Variants in SYT1 observed in about 807,000 individuals in gnomAD.
SYT1 encodes synaptotagmin 1.
In SYT1, 8 loss-of-function variants were observed where a neutral mutation model predicts 44.8. That is an observed-to-expected ratio of 0.18 (90% CI 0.10 to 0.32). The LOEUF is 0.32. Among genes scored for constraint, SYT1 ranks in the 10% least tolerant of loss-of-function variants. SYT1 has a pLI of 1.00. For missense variants in SYT1, 286 were observed against 509.3 expected (o/e 0.56, Z 4.22); for synonymous variants, 154 against 188.8 (o/e 0.82, Z 1.51).
intron 8 of SYT1, among the ~76,000 whole-genome samples, chr12:79,307,963 G>C (rs1459930871): frequency 6.6e-6 from 1 of 152,162 alleles, no homozygotes; most frequent in Non-Finnish European, 1.5e-5. Context: ...AGAAGGCCTC[G>C]AAGAGTGCTG....
intron 1 of SYT1, among the ~76,000 whole-genome samples, chr12:78,885,330 G>GAA (rs1555177673): frequency 1.1e-3 from 18 of 16,894 alleles, no homozygotes; most frequent in Middle Eastern, 0.019. Context: ...GAAGGAAGGA[G>GAA]GGAAGGAAGA....
At chr12:78,979,138 A>G (rs1050963595) in intron 2 of SYT1, among the ~76,000 whole-genome samples, 2 of 152,152 alleles carry the variant, frequency 1.3e-5, no homozygotes, top group Non-Finnish European at 2.9e-5. Context: ...GCATATACCC[A>G]GTATTGATAG....
At chr12:79,445,984 C>A (rs1870686783) in intron 10 of SYT1, among the ~76,000 whole-genome samples, 1 of 68,218 alleles carries the variant, frequency 1.5e-5, no homozygotes, top group Admixed American at 1.8e-4. Context: ...AACATTAATC[C>A]AAAGACATAT....
At chr12:79,318,558 G>A (rs1456676320) in intron 8 of SYT1, among the ~76,000 whole-genome samples, 3 of 152,148 alleles carry the variant, frequency 2.0e-5, no homozygotes, top group African/African-American at 7.2e-5. Context: ...TTCTAGATGA[G>A]GACAAAAAGG....
chr12:79,159,224 G>A (rs965522846), intron 3 of SYT1, among the ~76,000 whole-genome samples: 3 of 152,126 alleles, frequency 2.0e-5, no homozygotes, highest in Non-Finnish European at 4.4e-5. Flanking sequence ...CCAAATTATA[G>A]AAAACGCAAA....
At chr12:78,976,252 T>G (rs2137416672) in intron 1 of SYT1, among the ~76,000 whole-genome samples, 1 of 152,290 alleles carries the variant, frequency 6.6e-6, no homozygotes, top group Non-Finnish European at 1.5e-5. Flanking sequence ...AAAAAAAGTT[T>G]AAAATAGGCA....
intron 1 of SYT1, among the ~76,000 whole-genome samples, chr12:78,868,233 TA>T (rs1435778151): frequency 6.6e-6 from 1 of 151,812 alleles, no homozygotes; most frequent in Non-Finnish European, 1.5e-5. Context: ...GAACAAGAAA[TA>T]AAAACAGTTT....
chr12:79,062,791 C>A (rs1875489131), intron 3 of SYT1, among the ~76,000 whole-genome samples: 2 of 152,204 alleles, frequency 1.3e-5, no homozygotes, highest in South Asian at 2.1e-4. Context: ...TAGAAATGTT[C>A]TTTTATAATC....
chr12:79,334,660 T>G (rs970665588), intron 8 of SYT1, among the ~76,000 whole-genome samples: 3 of 152,200 alleles, frequency 2.0e-5, no homozygotes, highest in African/African-American at 7.2e-5. Context: ...TGAATTTGCT[T>G]TCACGTAGTA....
chr12:79,330,105 G>A (rs1268805848), intron 8 of SYT1, among the ~76,000 whole-genome samples: 1 of 152,128 alleles, frequency 6.6e-6, no homozygotes, highest in Admixed American at 6.5e-5. Flanking sequence ...GGAATGTAAA[G>A]GAAAATCAGA....
At chr12:79,257,462 T>TTTTTGTTTTG (rs895666083) in intron 4 of SYT1, among the ~76,000 whole-genome samples, 2 of 152,136 alleles carry the variant, frequency 1.3e-5, no homozygotes, top group Non-Finnish European at 2.9e-5. Flanking sequence ...ACATTGCTGT[T>TTTTTGTTTTG]TTTTGTTTTG....
intron 2 of SYT1, among the ~76,000 whole-genome samples, chr12:79,035,443 T>A (rs1873069664): frequency 6.6e-6 from 1 of 151,880 alleles, no homozygotes; most frequent in African/African-American, 2.4e-5. Flanking sequence ...TTCTCCTTTT[T>A]ATGAAGCCAA....
intron 3 of SYT1, among the ~76,000 whole-genome samples, chr12:79,067,390 T>C (rs1239163971): frequency 6.6e-6 from 1 of 152,164 alleles, no homozygotes; most frequent in Non-Finnish European, 1.5e-5. Flanking sequence ...TTTGAAGGTA[T>C]GTATATCAAT....
At chr12:78,895,289 G>A (rs1445443635) in intron 1 of SYT1, among the ~76,000 whole-genome samples, 1 of 151,600 alleles carries the variant, frequency 6.6e-6, no homozygotes, top group Admixed American at 6.6e-5. Context: ...TAGGATTATA[G>A]GATTAAGTAA....
intron 5 of SYT1, among the ~76,000 whole-genome samples, chr12:79,290,108 T>TA (rs1879505650): frequency 6.6e-6 from 1 of 152,172 alleles, no homozygotes; most frequent in Admixed American, 6.5e-5. Flanking sequence ...TTTGATAATG[T>TA]TTCTACACCG....
At chr12:79,228,178 C>T (rs904163219) in intron 4 of SYT1, among the ~76,000 whole-genome samples, 1 of 151,978 alleles carries the variant, frequency 6.6e-6, no homozygotes, top group African/African-American at 2.4e-5. Context: ...AGTTTTCTAC[C>T]TTTATGCTCT....
rs145023083 is a variant in SYT1 at position 79,358,341 on chromosome 12, G to A, written c.928+4722G>A. On this transcript the variant is annotated intron_variant, in intron 9 of 10. Coordinates refer to ENST00000261205, the MANE Select transcript of SYT1 (RefSeq NM_005639.3). ...AAATTCTGTTTTTCTACTTCAATCTGAGAATTATTTTTAACTGTTAAAAAG... is the reference window on the plus strand; with the variant it reads ...AAATTCTGTTTTTCTACTTCAATCTAAGAATTATTTTTAACTGTTAAAAAG... 8.7e-4 allele frequency among the ~76,000 whole-genome samples: 133 copies of A among 152,260 alleles called. 3 individuals are homozygous for A. The East Asian group carries it at 0.02, about 23-fold the overall frequency.
intron 4 of SYT1, among the ~76,000 whole-genome samples, chr12:79,248,456 G>A (rs1876983429): frequency 6.6e-6 from 1 of 152,174 alleles, no homozygotes; most frequent in Non-Finnish European, 1.5e-5. Flanking sequence ...GAAAGCCAGA[G>A]ACCTTTCTTG....
chr12:79,147,997 G>T (rs181478480), intron 3 of SYT1, among the ~76,000 whole-genome samples: 1 of 152,064 alleles, frequency 6.6e-6, no homozygotes. Context: ...GAAGGTAATT[G>T]TAATGCAGCT....
Sources: allele counts gnomAD v4.1 joint callset (sites outside exome capture counted in the v4.1 genomes callset), GRCh38; gene constraint gnomAD v4.1.1; transcripts MANE v1.5; gene names NCBI Gene and HGNC (gene_info 2026-07-23, HGNC 2026-07-21).